Variants in DHX57 observed in about 807,000 individuals in gnomAD.
The protein encoded by DHX57 is putative ATP-dependent RNA helicase DHX57.
DHX57 carries 105 observed loss-of-function variants against 156.2 expected under a neutral mutation model. The observed-to-expected ratio is 0.67, with a 90% CI of 0.57 to 0.79. The LOEUF (loss-of-function observed/expected upper bound fraction) is 0.79. Ranked by LOEUF, DHX57 falls within the 30% of genes least tolerant of loss-of-function variation. The probability of loss-of-function intolerance (pLI) is 0.00; values close to 1 mark genes in which losing one functional copy is unlikely to be tolerated. For missense variants in DHX57, 1,847 were observed against 1,661.9 expected, an observed-to-expected ratio of 1.11 and a Z score of -1.94; for synonymous variants, 704 against 595.6, an observed-to-expected ratio of 1.18 and a Z score of -2.65.
At chr2:38,821,064 T>A (rs533653109) in intron 17 of DHX57, among the ~76,000 whole-genome samples, 2 of 151,256 alleles carry the variant, frequency 1.3e-5, no homozygotes, top group Non-Finnish European at 2.9e-5. Context: ...TTAGAAATAA[T>A]GAAAAAAAAA....
chr2:38,806,461 G>A (rs1669940255), intron 22 of DHX57, 98 bp downstream of exon 22: 4 of 1,332,186 alleles, frequency 3.0e-6, no homozygotes, highest in South Asian at 1.4e-5. Flanking sequence ...TATTGCTGGG[G>A]ACAGCAAGTG....
At chr2:38,875,371 C>A (rs935754492) in intron 1 of DHX57, among the ~76,000 whole-genome samples, 6 of 152,322 alleles carry the variant, frequency 3.9e-5, no homozygotes, top group Admixed American at 3.3e-4. Context: ...CACAATATAT[C>A]CAGCTCCATC....
intron 12 of DHX57, among the ~76,000 whole-genome samples, chr2:38,842,116 G>A (rs1672039937): frequency 6.6e-6 from 1 of 152,172 alleles, no homozygotes; most frequent in African/African-American, 2.4e-5. Flanking sequence ...CGGGGCCCAT[G>A]TGCCTTTTGA....
chr2:38,822,939 A>G (rs967483950), intron 17 of DHX57, 54 bp downstream of exon 17: 1 of 1,569,302 alleles, frequency 6.4e-7, no homozygotes, highest in Non-Finnish European at 8.7e-7. Flanking sequence ...TGGTCCCCTT[A>G]GAGACCTATG....
chr2:38,872,548 T>A (rs1423881587), intron 1 of DHX57, among the ~76,000 whole-genome samples: 2 of 152,178 alleles, frequency 1.3e-5, no homozygotes, highest in African/African-American at 4.8e-5. Context: ...AAGATGATCT[T>A]GCAAACAGCA....
chr2:38,862,001 C>T, intron 4 of DHX57, 144 bp downstream of exon 4: 2 of 1,221,490 alleles, frequency 1.6e-6, no homozygotes, highest in Non-Finnish European at 2.2e-6. Flanking sequence ...TGAATGACCC[C>T]TTCTGATAAG....
rs1005667317 is a variant in DHX57, at chr2:38,870,495, C to T, written c.-6-2084G>A. Among the ~76,000 whole-genome samples the T allele has an allele frequency of 3.3e-5, 5 of 152,324 alleles. No individual in the cohort carries two copies. The South Asian group carries it at 8.3e-4, about 25-fold the overall frequency. On this transcript the variant is annotated intron_variant, in intron 1 of 23. Coordinates refer to ENST00000457308, the MANE Select transcript of DHX57 (RefSeq NM_198963.3). The stretch of plus-strand genomic sequence containing the variant: ...TAAGAGAAAAACAACTTATCACTTA[C>T]AGGGGGGAACCCCAATAAAATTAAT...
intron 3 of DHX57, 88 bp from the exon 4 acceptor site, chr2:38,862,421 T>C: frequency 6.2e-6 from 8 of 1,284,902 alleles, no homozygotes; most frequent in Non-Finnish European, 8.2e-6. Flanking sequence ...ATTTAATTCA[T>C]AGGATCCTGA....
chr2:38,808,113 C>A (rs1670053230), intron 21 of DHX57, among the ~76,000 whole-genome samples: 1 of 151,396 alleles, frequency 6.6e-6, no homozygotes, highest in Non-Finnish European at 1.5e-5. Context: ...CGCCACCACA[C>A]TCAGCTAATT....
intron 12 of DHX57, among the ~76,000 whole-genome samples, chr2:38,840,265 ATGAC>A (rs1462386738): frequency 6.6e-6 from 1 of 152,218 alleles, no homozygotes; most frequent in Admixed American, 6.5e-5. Context: ...TATATTTTAA[ATGAC>A]TGATCATTAA....
intron 2 of DHX57, among the ~76,000 whole-genome samples, chr2:38,864,245 TAAAA>T (rs146547256): frequency 1.5e-5 from 2 of 132,922 alleles, no homozygotes; most frequent in Non-Finnish European, 3.2e-5. Context: ...TTCTGATTAT[TAAAA>T]AAAAAAAAAA....
At position 38,815,538 on chromosome 2, in the gene DHX57, C is replaced by A. The variant is rs1670498094; in HGVS notation, c.3589G>T (p.Asp1197Tyr). ...TTCTTTACCTCTTCTCCTGTGGCAT[C>A]TAAGACACCATCTCCTCCTTGGGCC... is the stretch of plus-strand genomic sequence containing the variant. Reference protein sequence around the residue: ...KRAQGGDGVLDATGEEANSNA... With the variant: ...KRAQGGDGVLYATGEEANSNA... Residue 1197 changes from aspartate (D) to tyrosine (Y), a missense_variant, in exon 20 of 24, where the codon GAT (aspartate) becomes TAT (tyrosine). Asp to Tyr is a radical substitution (Grantham distance 160). Coordinates refer to ENST00000457308, the MANE Select transcript of DHX57 (RefSeq NM_198963.3). The A allele has an allele frequency of 1.2e-6, 2 of 1,613,988 alleles. No homozygotes were observed. The highest frequency in any genetic ancestry group is 2.2e-5 in the East Asian group (1 of 44,884).
intron 21 of DHX57, among the ~76,000 whole-genome samples, chr2:38,809,374 C>T (rs1273910074): frequency 6.6e-6 from 1 of 152,022 alleles, no homozygotes; most frequent in African/African-American, 2.4e-5. Context: ...ATCTTCTCAC[C>T]TCAGCCTTAC....
intron 1 of DHX57, among the ~76,000 whole-genome samples, chr2:38,869,236 T>C (rs984138288): frequency 1.3e-5 from 2 of 152,226 alleles, no homozygotes; most frequent in Non-Finnish European, 2.9e-5. Context: ...AAAAGGGAAG[T>C]AGGCCGTAAG....
In DHX57 at chr2:38,854,035, G is replaced by A; in HGVS notation, c.2030+19C>T. 6.3e-7 allele frequency: 1 copy of A among 1,592,984 alleles called. No individual in the cohort carries two copies. On this transcript the variant is annotated intron_variant, in intron 9 of 23. Transcript: ENST00000457308. ...CAATTCAGGTGAGTGTGTGTTCCCT[G>A]GGAAAGTCTTTGTTTTACCTTTCTT...
Position 38,828,442 on chromosome 2 carries a change from T to A in DHX57, c.2543-6A>T. On this transcript the variant is annotated splice_polypyrimidine_tract_variant and splice_region_variant and intron_variant, in intron 13 of 23. Coordinates refer to ENST00000457308, the MANE Select transcript of DHX57 (RefSeq NM_198963.3). ...TAAAAATACAAGTATAGCACCTGGG[T>A]ATATAAAAAGAATCAATATGTGGGT... 1.3e-6 allele frequency: 2 copies of A among 1,598,320 alleles called. No homozygotes were observed. The highest frequency in any genetic ancestry group is 1.7e-6 in the Non-Finnish European group (2 of 1,172,608).
intron 12 of DHX57, 85 bp from the exon 13 acceptor site, chr2:38,838,032 C>T (rs1159086910): frequency 1.9e-5 from 16 of 846,400 alleles, no homozygotes; most frequent in Admixed American, 5.8e-5. Flanking sequence ...ATACAATATG[C>T]CTGTGAATTA....
chr2:38,825,347 G>A (rs955197174), intron 16 of DHX57, among the ~76,000 whole-genome samples: 1 of 151,940 alleles, frequency 6.6e-6, no homozygotes, highest in African/African-American at 2.4e-5. Flanking sequence ...CTGTTGCCCA[G>A]GCTGGAGTGC....
chr2:38,840,542 G>C (rs1002570058), intron 12 of DHX57, among the ~76,000 whole-genome samples: 19 of 150,548 alleles, frequency 1.3e-4, no homozygotes, highest in African/African-American at 4.1e-4. Flanking sequence ...CACCACACCT[G>C]GCTAATTTTT....
Sources: gnomAD v4.1 joint callset for allele counts (sites outside exome capture counted in the v4.1 genomes callset) on GRCh38, gnomAD v4.1.1 for gene constraint, MANE v1.5 for transcripts, NCBI Gene and HGNC (gene_info 2026-07-23, HGNC 2026-07-21) for gene names.